Variants in STAT5B observed in about 807,000 individuals in gnomAD.
STAT5B encodes signal transducer and activator of transcription 5B, also known as transcription factor STAT5B.
STAT5B carries 21 observed loss-of-function variants against 107.8 expected under a neutral mutation model. That is an observed-to-expected ratio of 0.19 (90% CI 0.14 to 0.28). STAT5B has a LOEUF of 0.28. Among genes scored for constraint, STAT5B ranks in the 10% least tolerant of loss-of-function variants. The pLI is 1.00. For synonymous variants in STAT5B, 325 were observed against 401.7 expected, an observed-to-expected ratio of 0.81 and a Z score of 2.28; for missense variants, 565 against 1,008.2, an observed-to-expected ratio of 0.56 and a Z score of 5.95.
intron 5 of STAT5B, among the ~76,000 whole-genome samples, chr17:42,221,930 GTGTGTGGTGTGTA>G (rs1242050501): frequency 2.0e-5 from 3 of 148,910 alleles, no homozygotes; most frequent in Non-Finnish European, 4.5e-5. Context: ...GTGTCTATGT[GTGTGTGGTGTGTA>G]TGTGTGGTGT....
intron 1 of STAT5B, among the ~76,000 whole-genome samples, chr17:42,255,785 A>T (rs2080538481): frequency 6.6e-6 from 1 of 152,226 alleles, no homozygotes; most frequent in Non-Finnish European, 1.5e-5. Flanking sequence ...ATGCCACGGA[A>T]CTGTACTTTA....
In STAT5B at chr17:42,207,573, A is replaced by G; in HGVS notation, c.2062T>C (p.Cys688Arg). 1 of 1,613,964 alleles carries G rather than the reference A, an allele frequency of 6.2e-7. No individual in the cohort carries two copies. Among genetic ancestry groups the G allele is most frequent in the Non-Finnish European group, 8.5e-7 (1 of 1,179,980 alleles). Reference protein sequence around the residue: ...VYSKYYTPVPCESATAKAVDG... With the variant: ...VYSKYYTPVPRESATAKAVDG... ...ACATTGTTACCAGTAGCAGACTCGC[A>G]GGGAACTGGTGTGTAGTATTTGGAG... is the stretch of plus-strand genomic sequence containing the variant. The change falls in exon 16 of 19, where the codon TGC (cysteine) becomes CGC (arginine). Residue 688 changes from cysteine (C) to arginine (R), a missense_variant. Around this residue, in one of 11 missense-constraint regions of STAT5B, gnomAD observed 38 missense variants for 79.5 expected, o/e 0.48. Transcript: ENST00000293328.
At chr17:42,283,603 G>A in the STAT5B span, among the ~76,000 whole-genome samples, 1 of 152,216 alleles carries the variant, frequency 6.6e-6, no homozygotes, top group Non-Finnish European at 1.5e-5. Flanking sequence ...ATGGCCTTGT[G>A]TTCTCTTGGT....
chr17:42,201,549 C>CT lies in STAT5B; in HGVS notation c.*188_*189insA. On this transcript the variant is annotated 3_prime_UTR_variant, in exon 19 of 19. Transcript: ENST00000293328. Reference sequence around the variant, plus strand: ...GCACACACACACACACACACACACACACACAAACACATACTCGCACTCCCT... The same window carrying CT: ...GCACACACACACACACACACACACACTACACAAACACATACTCGCACTCCCT... 1 of 666,124 alleles carries CT rather than the reference C, an allele frequency of 1.5e-6. No individual in the cohort carries two copies. Among genetic ancestry groups the CT allele is most frequent in the Non-Finnish European group, 2.7e-6 (1 of 365,284 alleles). 41.3% of individuals were successfully genotyped at this position (666,124 alleles called of 1,614,324 possible). A position where few individuals can be genotyped will look rare whatever the true frequency, so the allele number is the denominator to read the frequency against.
chr17:42,258,814 T>C (rs116734341), intron 1 of STAT5B, among the ~76,000 whole-genome samples: 1,842 of 152,322 alleles, frequency 0.012, 45 homozygotes, highest in African/African-American at 0.042. Flanking sequence ...TTACCAGTCA[T>C]GGTGTGAACT....
chr17:42,267,826 GCACACGC>G (rs2080686935), intron 1 of STAT5B, among the ~76,000 whole-genome samples: 1 of 151,946 alleles, frequency 6.6e-6, no homozygotes, highest in Non-Finnish European at 1.5e-5. Context: ...AGGCGTGGTG[GCACACGC>G]CTGTAATCCC....
chr17:42,244,782 T>C (rs1598324503), intron 1 of STAT5B, among the ~76,000 whole-genome samples: 3 of 152,108 alleles, frequency 2.0e-5, no homozygotes, highest in Admixed American at 6.6e-5. Flanking sequence ...ATGTCCAAAA[T>C]AGGGGGATGA....
rs573470457 is a variant in STAT5B, at chr17:42,256,411, GCA to G, written c.-11+19835_-11+19836del. 7.2e-5 allele frequency among the ~76,000 whole-genome samples: 11 copies of G among 152,152 alleles called. No homozygotes were observed. The East Asian group carries it at 2.1e-3, about 29-fold the overall frequency. On this transcript the variant is annotated intron_variant, in intron 1 of 18. Coordinates refer to ENST00000293328, the MANE Select transcript of STAT5B (RefSeq NM_012448.4). ...TCTTTTCTTTCTTCCACAGTAAAAG[GCA>G]CACTTTCAGTCCTTCTGAGGGTTGA...
In STAT5B at chr17:42,202,266, A is replaced by G. The variant is rs368370171; in HGVS notation, c.2237+74T>C. 43 of 1,565,594 alleles carry G rather than the reference A, an allele frequency of 2.7e-5. No individual in the cohort carries two copies. In the African/African-American group the frequency reaches 5.0e-4, roughly 18 times the overall value. On this transcript the variant is annotated intron_variant, in intron 18 of 18. Coordinates refer to ENST00000293328, the MANE Select transcript of STAT5B (RefSeq NM_012448.4). ...AGGAGCTCTGGATTCCTTTGACCCCAGCCCTCCAGGGGTCCAGCCTGGGGC... is the reference window on the plus strand; with the variant it reads ...AGGAGCTCTGGATTCCTTTGACCCCGGCCCTCCAGGGGTCCAGCCTGGGGC...
rs1567665548 is a variant in STAT5B, at chr17:42,232,143, GAACA to G, written c.-10-10_-10-7del. 2.5e-6 allele frequency: 4 copies of G among 1,613,448 alleles called. No homozygotes were observed. The East Asian group carries it at 8.9e-5, about 36-fold the overall frequency. ...ACACAGCCATGGTTTACAATCTGTT[GAACA>G]AACAATCAGTGCTTTGGGCGTTTTT... On this transcript the variant is annotated splice_region_variant and splice_polypyrimidine_tract_variant and intron_variant, in intron 1 of 18. Coordinates refer to ENST00000293328, the MANE Select transcript of STAT5B (RefSeq NM_012448.4).
intron 1 of STAT5B, among the ~76,000 whole-genome samples, chr17:42,260,636 T>C (rs1003627661): frequency 7.2e-5 from 11 of 152,146 alleles, no homozygotes; most frequent in South Asian, 4.1e-4. Flanking sequence ...GGTCTCGAAC[T>C]CCTGGACTCA....
At chr17:42,257,379 C>G (rs2080555205) in intron 1 of STAT5B, among the ~76,000 whole-genome samples, 1 of 151,826 alleles carries the variant, frequency 6.6e-6, no homozygotes, top group Non-Finnish European at 1.5e-5. Flanking sequence ...CAACATCAAA[C>G]AGGGGGATTA....
chr17:42,214,253 G>A, intron 12 of STAT5B: 2 of 985,332 alleles, frequency 2.0e-6, no homozygotes, highest in Middle Eastern at 5.2e-4. Context: ...ATTACATGGT[G>A]CAGGAGATGC....
At chr17:42,269,054 C>G (rs994271682) in intron 1 of STAT5B, among the ~76,000 whole-genome samples, 7 of 152,034 alleles carry the variant, frequency 4.6e-5, no homozygotes, top group Admixed American at 3.9e-4. Flanking sequence ...TTGCCACCAG[C>G]TATAGGCTCT....
chr17:42,207,527 C>G (rs764857164), intron 16 of STAT5B, 31 bp downstream of exon 16: 2 of 1,571,538 alleles, frequency 1.3e-6, no homozygotes, highest in Admixed American at 1.7e-5. Flanking sequence ...ACACACACAA[C>G]AAAATCAAAT....
intron 16 of STAT5B, among the ~76,000 whole-genome samples, chr17:42,205,164 A>T (rs1201671129): frequency 1.3e-5 from 2 of 151,878 alleles, no homozygotes; most frequent in Non-Finnish European, 2.9e-5. Context: ...AGTAGGTGGG[A>T]TTACAGGTAC....
At chr17:42,230,347 C>T (rs1334499817) in intron 2 of STAT5B, among the ~76,000 whole-genome samples, 1 of 152,036 alleles carries the variant, frequency 6.6e-6, no homozygotes, top group Non-Finnish European at 1.5e-5. Context: ...CAAAGAGGAC[C>T]CATGGCTAAG....
chr17:42,219,793 C>T lies in STAT5B; in HGVS notation c.600G>A (p.Arg200=), dbSNP rs1390762705. Residue 200 remains arginine, a synonymous_variant, in exon 6 of 19, where the codon CGG becomes CGA. Coordinates refer to ENST00000293328, the MANE Select transcript of STAT5B (RefSeq NM_012448.4). ...CCTGCTTCTGCTGGAGGGCCGTCTC[C>T]CGGCTCAGACGCTCCTGGGGGCTCA... is the stretch of plus-strand genomic sequence containing the variant. ...AQLSPQERLS[R]ETALQQKQVS... 4 of 1,613,824 alleles carry T rather than the reference C, an allele frequency of 2.5e-6. No homozygotes were observed. Among genetic ancestry groups the T allele is most frequent in the South Asian group, 1.1e-5 (1 of 91,066 alleles).
chr17:42,203,520 C>G (rs2080062524), intron 16 of STAT5B, among the ~76,000 whole-genome samples: 1 of 152,004 alleles, frequency 6.6e-6, no homozygotes. Context: ...AGGGGCAGGT[C>G]ATAAGAGGAC....
Sources: allele counts gnomAD v4.1 joint callset (sites outside exome capture counted in the v4.1 genomes callset), GRCh38; gene constraint gnomAD v4.1.1; regional missense constraint gnomAD v4.1.1; transcripts MANE v1.5; gene names NCBI Gene and HGNC (gene_info 2026-07-23, HGNC 2026-07-21).